BANK1: variants seen among roughly 807,000 people sequenced by gnomAD.
BANK1 encodes B-cell scaffold protein with ankyrin repeats.
A neutral mutation model predicts 94.5 loss-of-function variants in BANK1; 95 were observed. The observed-to-expected ratio is 1.00, with a 90% CI of 0.85 to 1.19. The LOEUF (loss-of-function observed/expected upper bound fraction) is 1.19, where lower values mean the gene tolerates loss of function less well. Among genes scored for constraint, BANK1 ranks in the 50% most tolerant of loss-of-function variants. BANK1 has a pLI of 0.00. For synonymous variants in BANK1, 334 were observed against 308.4 expected (o/e 1.08, Z -0.87); for missense variants, 987 against 932.2 (o/e 1.06, Z -0.77).
intron 6 of BANK1, among the ~76,000 whole-genome samples, chr4:101,899,109 A>G (rs555003521): frequency 8.5e-5 from 13 of 152,170 alleles, no homozygotes; most frequent in Non-Finnish European, 1.9e-4. Flanking sequence ...TTTGCATTTT[A>G]AACCCCCTGA....
chr4:101,945,471 A>G (rs1346403143), intron 7 of BANK1, among the ~76,000 whole-genome samples: 1 of 152,020 alleles, frequency 6.6e-6, no homozygotes, highest in African/African-American at 2.4e-5. Context: ...AATTTTACAG[A>G]TAAAGCTCAC....
At chr4:101,861,778 T>A (rs975771601) in intron 3 of BANK1, among the ~76,000 whole-genome samples, 8 of 152,124 alleles carry the variant, frequency 5.3e-5, no homozygotes, top group African/African-American at 1.4e-4. Flanking sequence ...TAATTTCTAG[T>A]ATAAAATAGA....
intron 7 of BANK1, among the ~76,000 whole-genome samples, chr4:102,007,170 A>ATATATATATAT (rs1560682419): frequency 1.1e-4 from 12 of 113,174 alleles, no homozygotes; most frequent in South Asian, 5.0e-4. Flanking sequence ...ATATATATAT[A>ATATATATATAT]AAATCCCTAA....
chr4:102,051,858 T>G (rs1167897126), intron 11 of BANK1, among the ~76,000 whole-genome samples: 1 of 152,030 alleles, frequency 6.6e-6, no homozygotes, highest in Non-Finnish European at 1.5e-5. Context: ...AATGGAGGGA[T>G]GGGAAGGTCA....
At chr4:102,027,163 A>C (rs1416623909) in intron 9 of BANK1, among the ~76,000 whole-genome samples, 1 of 152,172 alleles carries the variant, frequency 6.6e-6, no homozygotes, top group Non-Finnish European at 1.5e-5. Context: ...TTCAGATCTG[A>C]ATAATTTGTT....
chr4:101,857,743 T>C (rs1247369391), intron 3 of BANK1, among the ~76,000 whole-genome samples: 1 of 152,234 alleles, frequency 6.6e-6, no homozygotes, highest in Non-Finnish European at 1.5e-5. Flanking sequence ...AAGATATCCC[T>C]CCATTGTCCT....
chr4:101,793,381 G>A (rs1725059135), intron 1 of BANK1, among the ~76,000 whole-genome samples: 1 of 152,152 alleles, frequency 6.6e-6, no homozygotes, highest in Non-Finnish European at 1.5e-5. Context: ...AGACCAATCT[G>A]GAAATGTTCT....
intron 11 of BANK1, among the ~76,000 whole-genome samples, chr4:102,048,302 G>C (rs1377883032): frequency 6.6e-6 from 1 of 152,038 alleles, no homozygotes; most frequent in African/African-American, 2.4e-5. Flanking sequence ...ATAGTGTGCA[G>C]GGAAATCAGC....
intron 2 of BANK1, among the ~76,000 whole-genome samples, 187 bp from the exon 3 acceptor site, chr4:101,854,848 A>T (rs1286678755): frequency 6.6e-6 from 1 of 152,226 alleles, no homozygotes; most frequent in Non-Finnish European, 1.5e-5. Flanking sequence ...CATAAAGATT[A>T]TAAAACTAGT....
chr4:101,835,145 GC>G (rs1221512673), intron 2 of BANK1, among the ~76,000 whole-genome samples: 2 of 152,040 alleles, frequency 1.3e-5, no homozygotes, highest in Non-Finnish European at 2.9e-5. Flanking sequence ...TACCTAACTT[GC>G]TTTTCTAGTC....
At chr4:101,876,599 G>C (rs899806556) in intron 5 of BANK1, among the ~76,000 whole-genome samples, 4 of 152,158 alleles carry the variant, frequency 2.6e-5, no homozygotes, top group Non-Finnish European at 5.9e-5. Flanking sequence ...AGCCCAGATT[G>C]AGAAGGCTTC....
intron 1 of BANK1, among the ~76,000 whole-genome samples, chr4:101,821,401 G>A (rs1049526653): frequency 1.5e-4 from 23 of 152,110 alleles, no homozygotes; most frequent in African/African-American, 5.1e-4. Flanking sequence ...CATTCTGTAC[G>A]TTGTCTGTTC....
intron 5 of BANK1, among the ~76,000 whole-genome samples, chr4:101,877,904 G>T (rs11737723): frequency 0.087 from 13,215 of 152,008 alleles, 843 homozygotes; most frequent in African/African-American, 0.18. Context: ...AAATAAAATA[G>T]TACTTTCAAT....
At chr4:101,858,072 G>T (rs1011593819) in intron 3 of BANK1, among the ~76,000 whole-genome samples, 2 of 152,034 alleles carry the variant, frequency 1.3e-5, no homozygotes, top group South Asian at 2.1e-4. Context: ...GTACTCTCCC[G>T]TTGGAATTAC....
At chr4:101,913,893 A>G (rs557881900) in intron 6 of BANK1, among the ~76,000 whole-genome samples, 2 of 152,320 alleles carry the variant, frequency 1.3e-5, no homozygotes, top group East Asian at 3.9e-4. Flanking sequence ...TTTATTTCTC[A>G]TACTTGTCAA....
intron 6 of BANK1, among the ~76,000 whole-genome samples, chr4:101,902,281 C>T (rs1234025598): frequency 1.3e-5 from 2 of 152,124 alleles, no homozygotes; most frequent in Non-Finnish European, 2.9e-5. Flanking sequence ...TGATCATTAT[C>T]TACAAGATGC....
At chr4:101,859,777 T>C (rs2148876276) in intron 3 of BANK1, among the ~76,000 whole-genome samples, 1 of 152,312 alleles carries the variant, frequency 6.6e-6, no homozygotes, top group Middle Eastern at 3.4e-3. Flanking sequence ...AAAATATATA[T>C]ACAGAATGTT....
intron 5 of BANK1, among the ~76,000 whole-genome samples, chr4:101,886,288 A>G (rs1028710495): frequency 6.6e-6 from 1 of 152,218 alleles, no homozygotes; most frequent in African/African-American, 2.4e-5. Context: ...GCACAGGCAC[A>G]GCCCCTTTTT....
chr4:102,064,937 G>A (rs115945651), intron 13 of BANK1, among the ~76,000 whole-genome samples: 2,200 of 152,314 alleles, frequency 0.014, 30 homozygotes, highest in Non-Finnish European at 0.023. Flanking sequence ...TCTGAGAGCA[G>A]GTGGCTGTGT....
Sources: gnomAD v4.1 joint callset for allele counts (sites outside exome capture counted in the v4.1 genomes callset) on GRCh38, gnomAD v4.1.1 for gene constraint, MANE v1.5 for transcripts, NCBI Gene and HGNC (gene_info 2026-07-23, HGNC 2026-07-21) for gene names.